The following ARIH1 variants were observed in gnomAD, a reference collection of about 807,000 sequenced individuals.
ARIH1 encodes E3 ubiquitin-protein ligase ARIH1.
A neutral mutation model predicts 85.0 loss-of-function variants in ARIH1; 8 were observed. The observed-to-expected ratio is 0.09, with a 90% CI of 0.06 to 0.17. The LOEUF is 0.17. ARIH1 is among the 10% of genes least tolerant of loss of function. ARIH1 has a pLI of 1.00. For synonymous variants in ARIH1, 238 were observed against 253.6 expected, an observed-to-expected ratio of 0.94 and a Z score of 0.59; for missense variants, 311 against 718.1, an observed-to-expected ratio of 0.43 and a Z score of 6.48.
intron 2 of ARIH1, among the ~76,000 whole-genome samples, chr15:72,532,279 G>C (rs1567348766): frequency 6.6e-6 from 1 of 151,140 alleles, no homozygotes; most frequent in Non-Finnish European, 1.5e-5. Flanking sequence ...GGATCTTGTG[G>C]ATGGTTTAAA....
chr15:72,547,342 C>A (rs928296358), intron 3 of ARIH1, among the ~76,000 whole-genome samples: 1 of 151,942 alleles, frequency 6.6e-6, no homozygotes, highest in African/African-American at 2.4e-5. Flanking sequence ...AAGTGATTCT[C>A]CTGCCTCAGC....
intron 2 of ARIH1, among the ~76,000 whole-genome samples, chr15:72,536,764 AG>A (rs1295675411): frequency 1.3e-5 from 2 of 152,186 alleles, no homozygotes; most frequent in African/African-American, 4.8e-5. Flanking sequence ...GTATGCAGTA[AG>A]ATTTTTGTGC....
Position 72,508,648 on chromosome 15 carries a change from A to G in ARIH1, c.376-9419A>G, listed in dbSNP as rs77866417. Among the ~76,000 whole-genome samples the G allele has an allele frequency of 3.9e-3, 591 of 150,796 alleles. 4 individuals carry two copies. The highest frequency in any genetic ancestry group is 0.014 in the African/African-American group (555 of 41,076). ...CCCGGCACTAAATAATTTCAAATCTATGTTCTCCTTTTCAGCATTCCCTTT... is the reference window on the plus strand; with the variant it reads ...CCCGGCACTAAATAATTTCAAATCTGTGTTCTCCTTTTCAGCATTCCCTTT... On this transcript the variant is annotated intron_variant, in intron 1 of 13. Coordinates refer to ENST00000379887, the MANE Select transcript of ARIH1 (RefSeq NM_005744.5).
rs143020656 is a variant in ARIH1 at position 72,555,749 on chromosome 15, T to C, written c.682-103T>C. On this transcript the variant is annotated intron_variant, in intron 4 of 13. Coordinates refer to ENST00000379887, the MANE Select transcript of ARIH1 (RefSeq NM_005744.5). ...GAGAAAGGGAAGGATTGAGATCCTG[T>C]AAACATTAAGGTATTCCCAGAACCT... is the stretch of plus-strand genomic sequence containing the variant. 6 of 913,280 alleles carry C rather than the reference T, an allele frequency of 6.6e-6. No individual in the cohort carries two copies. The East Asian group carries it at 1.5e-4, about 23-fold the overall frequency. 56.6% of individuals were successfully genotyped at this position (913,280 alleles called of 1,614,324 possible). A position where few individuals can be genotyped will look rare whatever the true frequency, so the allele number is the denominator to read the frequency against.
At chr15:72,580,580 A>G in intron 11 of ARIH1, 151 bp from the exon 12 acceptor site, 5 of 725,056 alleles carry the variant, frequency 6.9e-6, no homozygotes, top group Middle Eastern at 3.9e-4. Flanking sequence ...TTCTTTCTTT[A>G]TCTTTGCCAA....
At position 72,590,988 on chromosome 15, in the gene ARIH1, C is replaced by G. The variant is rs1567365010; in HGVS notation, c.*7696C>G. On this transcript the variant is annotated 3_prime_UTR_variant, in exon 14 of 14. Coordinates refer to ENST00000379887, the MANE Select transcript of ARIH1 (RefSeq NM_005744.5). ...CTTGTAATCCCAGCACTTTAGGAGG[C>G]TGAGGCAGGTGGATCACGAGGTCGG... 1 of 152,090 alleles carries G rather than the reference C, an allele frequency of 6.6e-6. No individual in the cohort carries two copies. The highest frequency in any genetic ancestry group is 1.5e-5 in the Non-Finnish European group (1 of 68,046). The allele number at this position is 152,090 out of a possible 1,614,324, so 9.4% of individuals were successfully genotyped here.
At position 72,585,696 on chromosome 15, in the gene ARIH1, G is replaced by C. The variant is rs1461382698; in HGVS notation, c.*2404G>C. On this transcript the variant is annotated 3_prime_UTR_variant, in exon 14 of 14. Coordinates refer to ENST00000379887, the MANE Select transcript of ARIH1 (RefSeq NM_005744.5). ...AGAGATGCTTTCTATTTCAATGTTG[G>C]CATACTGCCTGAGGGTATTGCAGTT... The C allele has an allele frequency of 6.6e-6, 1 of 152,132 alleles. No individual in the cohort carries two copies. The highest frequency in any genetic ancestry group is 1.5e-5 in the Non-Finnish European group (1 of 68,034). 9.4% of individuals were successfully genotyped at this position (152,132 alleles called of 1,614,324 possible). A position where few individuals can be genotyped will look rare whatever the true frequency, so the allele number is the denominator to read the frequency against.
At position 72,482,305 on chromosome 15, in the gene ARIH1, G is replaced by A. The variant is rs1365707584; in HGVS notation, c.375+7291G>A. Among the ~76,000 whole-genome samples the A allele has an allele frequency of 3.9e-5, 6 of 152,302 alleles. No homozygotes were observed. The East Asian group carries it at 9.6e-4, about 24-fold the overall frequency. ...GGATAGATATAAAGTCCTGTTTAAAGGAATATGAGAAGACTTATTCTTAAG... is the reference window on the plus strand; with the variant it reads ...GGATAGATATAAAGTCCTGTTTAAAAGAATATGAGAAGACTTATTCTTAAG... On this transcript the variant is annotated intron_variant, in intron 1 of 13. Transcript: ENST00000379887.
chr15:72,509,014 C>T (rs1257101858), intron 1 of ARIH1, among the ~76,000 whole-genome samples: 2 of 135,534 alleles, frequency 1.5e-5, no homozygotes, highest in Non-Finnish European at 3.1e-5. Flanking sequence ...TTTTTTGAGA[C>T]TGAGTCTTGC....
At chr15:72,568,596 G>A (rs990983692) in intron 9 of ARIH1, among the ~76,000 whole-genome samples, 2 of 152,032 alleles carry the variant, frequency 1.3e-5, no homozygotes, top group Non-Finnish European at 2.9e-5. Flanking sequence ...TTTCTCTTGA[G>A]GTTTTAGAAG....
chr15:72,475,221 G>C, intron 1 of ARIH1: 1 of 1,167,086 alleles, frequency 8.6e-7, no homozygotes, highest in Non-Finnish European at 1.1e-6. Flanking sequence ...GGTGCGCTGG[G>C]GGCGGTGCTT....
intron 1 of ARIH1, among the ~76,000 whole-genome samples, chr15:72,506,366 G>GAAAAAAAAAAAAAAA (rs1227942202): frequency 1.8e-5 from 1 of 54,496 alleles, no homozygotes; most frequent in African/African-American, 4.9e-5. Context: ...AAAAAAAAAA[G>GAAAAAAAAAAAAAAA]AAAAAAAAAA....
rs528288009 is a variant in ARIH1, at chr15:72,594,756, A to G, written c.*11464A>G. ...GTTTTATATTAAATAGATACACAACAGTGTAGTCTGCAAATAATGTTTTTA... is the reference window on the plus strand; with the variant it reads ...GTTTTATATTAAATAGATACACAACGGTGTAGTCTGCAAATAATGTTTTTA... On this transcript the variant is annotated 3_prime_UTR_variant, in exon 14 of 14. Transcript: ENST00000379887. The G allele has an allele frequency of 4.7e-5, 7 of 149,666 alleles. No homozygotes were observed. In the East Asian group the frequency reaches 1.4e-3, roughly 29 times the overall value. 9.3% of individuals were successfully genotyped at this position (149,666 alleles called of 1,614,324 possible). A position where few individuals can be genotyped will look rare whatever the true frequency, so the allele number is the denominator to read the frequency against.
intron 1 of ARIH1, among the ~76,000 whole-genome samples, chr15:72,476,987 CT>C (rs1221529916): frequency 6.6e-6 from 1 of 152,098 alleles, no homozygotes; most frequent in Admixed American, 6.5e-5. Flanking sequence ...TAGTTTCTGG[CT>C]TTTATAAATA....
chr15:72,576,617 C>T (rs1412344813), intron 11 of ARIH1, among the ~76,000 whole-genome samples: 1 of 151,202 alleles, frequency 6.6e-6, no homozygotes, highest in Non-Finnish European at 1.5e-5. Flanking sequence ...TTTTAAAAGT[C>T]CATTCCCTCT....
At chr15:72,481,102 G>GT (rs1318351328) in intron 1 of ARIH1, among the ~76,000 whole-genome samples, 5 of 152,302 alleles carry the variant, frequency 3.3e-5, no homozygotes, top group African/African-American at 1.2e-4. Context: ...GTGTTTTGAA[G>GT]TTATTAAAGT....
chr15:72,551,928 G>T (rs2064154531), intron 3 of ARIH1, among the ~76,000 whole-genome samples: 1 of 152,180 alleles, frequency 6.6e-6, no homozygotes, highest in Non-Finnish European at 1.5e-5. Flanking sequence ...AGAAGTTAGT[G>T]TGTTTTTCAC....
At chr15:72,488,104 C>T (rs1439895035) in intron 1 of ARIH1, among the ~76,000 whole-genome samples, 8 of 152,182 alleles carry the variant, frequency 5.3e-5, no homozygotes, top group African/African-American at 1.7e-4. Context: ...GGCACGATCA[C>T]GGCTCACTAC....
intron 1 of ARIH1, among the ~76,000 whole-genome samples, chr15:72,515,559 G>A (rs2063971439): frequency 6.6e-6 from 1 of 152,150 alleles, no homozygotes. Flanking sequence ...TTGAAGTGCT[G>A]TAGAGAAAGT....
Sources: gnomAD v4.1 joint callset for allele counts (sites outside exome capture counted in the v4.1 genomes callset) on GRCh38, gnomAD v4.1.1 for gene constraint, MANE v1.5 for transcripts, NCBI Gene and HGNC (gene_info 2026-07-23, HGNC 2026-07-21) for gene names.